The following ZNF462 variants were observed in gnomAD, a reference collection of about 807,000 sequenced individuals.
ZNF462 encodes zinc finger protein 462.
In ZNF462, 10 loss-of-function variants were observed where a neutral mutation model predicts 201.9. The observed-to-expected ratio is 0.05, with a 90% CI of 0.03 to 0.08. ZNF462 has a LOEUF of 0.08. Ranked by LOEUF, ZNF462 falls within the 10% of genes least tolerant of loss-of-function variation. The pLI is 1.00. For missense variants in ZNF462, 2,523 were observed against 3,168.3 expected, an observed-to-expected ratio of 0.80 and a Z score of 4.89; for synonymous variants, 1,227 against 1,193.3, an observed-to-expected ratio of 1.03 and a Z score of -0.58.
At position 106,885,454 on chromosome 9, in the gene ZNF462, G is replaced by T. The variant is rs944902474; in HGVS notation, c.-31+22099G>T. ...CATGGCCCAAGAACCTGTGGTTCTT[G>T]GTTGTGTCCTTGCCATGCTTAGAAG... On this transcript the variant is annotated intron_variant, in intron 1 of 12. Coordinates refer to ENST00000277225, the MANE Select transcript of ZNF462 (RefSeq NM_021224.6). The surrounding 1 kb of genome is among the most constrained non-coding windows in gnomAD (Gnocchi z 4.1). Among the ~76,000 whole-genome samples the T allele has an allele frequency of 2.0e-5, 3 of 152,152 alleles. No individual in the cohort carries two copies. The highest frequency in any genetic ancestry group is 2.9e-5 in the Non-Finnish European group (2 of 68,036).
chr9:106,924,114 C>A lies in ZNF462; in HGVS notation c.221-19C>A, dbSNP rs1205124867. On this transcript the variant is annotated intron_variant, in intron 2 of 12. Transcript: ENST00000277225. The surrounding 1 kb of genome is among the most constrained non-coding windows in gnomAD (Gnocchi z 6.2). ...TAATTATCTTTTGCTTTGTCACTTT[C>A]CTTATGCTTTTTCTTTAGGTCAAAA... The A allele has an allele frequency of 6.4e-7, 1 of 1,568,062 alleles. No homozygotes were observed. The highest frequency in any genetic ancestry group is 2.2e-5 in the East Asian group (1 of 44,624).
In ZNF462 at chr9:106,938,426, A is replaced by G. The variant is rs1830723782; in HGVS notation, c.6236-490A>G. On this transcript the variant is annotated intron_variant, in intron 6 of 12. Coordinates refer to ENST00000277225, the MANE Select transcript of ZNF462 (RefSeq NM_021224.6). This position sits in a 1 kb window ranked among gnomAD's most constrained non-coding sequence, Gnocchi z 4.4. Reference sequence around the variant, plus strand: ...TGTATAGTTAGCAAGGAAGTACAGAATAGAATAGCACAACAGAGCTTGCAC... The same window carrying G: ...TGTATAGTTAGCAAGGAAGTACAGAGTAGAATAGCACAACAGAGCTTGCAC... Among the ~76,000 whole-genome samples the G allele has an allele frequency of 1.3e-5, 2 of 152,364 alleles. No homozygotes were observed. The highest frequency in any genetic ancestry group is 1.3e-4 in the Admixed American group (2 of 15,304).
chr9:106,961,584 G>A (rs1831841792), intron 7 of ZNF462, among the ~76,000 whole-genome samples: 1 of 151,692 alleles, frequency 6.6e-6, no homozygotes, highest in Non-Finnish European at 1.5e-5. Flanking sequence ...CTTGCTTTAG[G>A]CCAGCCACTG....
In ZNF462 at chr9:107,006,371, A is replaced by G. The variant is rs1317949204; in HGVS notation, c.7189+2945A>G. Among the ~76,000 whole-genome samples the G allele has an allele frequency of 6.6e-6, 1 of 152,154 alleles. No individual in the cohort carries two copies. Among genetic ancestry groups the G allele is most frequent in the South Asian group, 2.1e-4 (1 of 4,822 alleles). ...AAACAAAACAAACAAACAAACAACAACAAAAAATATAAACCCTGGAGACCA... is the reference window on the plus strand; with the variant it reads ...AAACAAAACAAACAAACAAACAACAGCAAAAAATATAAACCCTGGAGACCA... On this transcript the variant is annotated intron_variant, in intron 11 of 12. Coordinates refer to ENST00000277225, the MANE Select transcript of ZNF462 (RefSeq NM_021224.6). This position sits in a 1 kb window ranked among gnomAD's most constrained non-coding sequence, Gnocchi z 4.3.
Position 106,885,780 on chromosome 9 carries a change from C to G in ZNF462, c.-31+22425C>G, listed in dbSNP as rs1375398701. ...TTAGAACAAGGACAACTTGAAGTGG[C>G]TATCTTGCACATGGGACTGATGTTG... On this transcript the variant is annotated intron_variant, in intron 1 of 12. Coordinates refer to ENST00000277225, the MANE Select transcript of ZNF462 (RefSeq NM_021224.6). This position sits in a 1 kb window ranked among gnomAD's most constrained non-coding sequence, Gnocchi z 4.1. Among the ~76,000 whole-genome samples, 1 of 152,178 alleles carries G rather than the reference C, an allele frequency of 6.6e-6. No individual in the cohort carries two copies. Among genetic ancestry groups the G allele is most frequent in the Non-Finnish European group, 1.5e-5 (1 of 68,032 alleles).
At chr9:106,907,771 G>T (rs1023674932) in intron 1 of ZNF462, among the ~76,000 whole-genome samples, 2 of 151,766 alleles carry the variant, frequency 1.3e-5, no homozygotes, top group Non-Finnish European at 1.5e-5. Flanking sequence ...TTCTTCTTCT[G>T]TCTTTCCATT....
chr9:106,937,336 G>A (rs1222769685), intron 6 of ZNF462, among the ~76,000 whole-genome samples: 2 of 152,144 alleles, frequency 1.3e-5, no homozygotes, highest in African/African-American at 2.4e-5. Context: ...CACTTCACAT[G>A]TGAACCCATT....
At position 106,963,933 on chromosome 9, in the gene ZNF462, G is replaced by A. The variant is rs541961365; in HGVS notation, c.6428-8072G>A. 2.0e-5 allele frequency among the ~76,000 whole-genome samples: 3 copies of A among 151,948 alleles called. No homozygotes were observed. The highest frequency in any genetic ancestry group is 1.9e-4 in the East Asian group (1 of 5,150). ...CTAGGTGCCTCATGGAAGTGGCATC[G>A]TGCAGTATTTGTCCCTCTGTGACTG... On this transcript the variant is annotated intron_variant, in intron 7 of 12. Coordinates refer to ENST00000277225, the MANE Select transcript of ZNF462 (RefSeq NM_021224.6). The surrounding 1 kb of genome is among the most constrained non-coding windows in gnomAD (Gnocchi z 4.7).
At chr9:106,979,611 A>G (rs1827268127) in intron 9 of ZNF462, 1 of 151,530 alleles carries the variant, frequency 6.6e-6, no homozygotes, top group Non-Finnish European at 1.5e-5. Flanking sequence ...GGATACAGCC[A>G]TGAAGAGTCA....
rs1208890977 is a variant in ZNF462 at position 107,012,195 on chromosome 9, C to T, written c.*1165C>T. On this transcript the variant is annotated 3_prime_UTR_variant, in exon 13 of 13. Transcript: ENST00000277225. ...CTTGTGGGCCAGACGAGGAGGTCCT[C>T]CTCACCCTTTTGTTGCCTGTCAAAT... 4 of 148,506 alleles carry T rather than the reference C, an allele frequency of 2.7e-5. No homozygotes were observed. The South Asian group carries it at 6.3e-4, about 24-fold the overall frequency. The allele number at this position is 148,506 out of a possible 1,614,324, so 9.2% of individuals were successfully genotyped here.
intron 9 of ZNF462, chr9:106,979,299 G>A (rs1827244199): frequency 6.6e-6 from 1 of 152,102 alleles, no homozygotes; most frequent in African/African-American, 2.4e-5. Flanking sequence ...AGGGGTCCAA[G>A]TCATGGGTGA....
At chr9:106,956,431 T>C (rs1260447169) in intron 7 of ZNF462, among the ~76,000 whole-genome samples, 1 of 152,202 alleles carries the variant, frequency 6.6e-6, no homozygotes, top group African/African-American at 2.4e-5. Flanking sequence ...CAGGCTTTGT[T>C]GTTCCATTTA....
rs771544345 is a variant in ZNF462 at position 106,927,579 on chromosome 9, G to A, written c.3667G>A (p.Ala1223Thr). Reference protein sequence around the residue: ...QKKHRDFKANADVIRQHTATI... With the variant: ...QKKHRDFKANTDVIRQHTATI... Reference sequence around the variant, plus strand: ...GAAGCACCGAGACTTCAAGGCCAATGCAGATGTGATCCGGCAGCATACGGC... The same window carrying A: ...GAAGCACCGAGACTTCAAGGCCAATACAGATGTGATCCGGCAGCATACGGC... The change falls in exon 3 of 13, where the codon GCA (alanine) becomes ACA (threonine). Residue 1223 changes from alanine to threonine, a missense_variant. By Grantham distance (58) the Ala-to-Thr change is moderately conservative. Coordinates refer to ENST00000277225, the MANE Select transcript of ZNF462 (RefSeq NM_021224.6). 5 of 1,613,798 alleles carry A rather than the reference G, an allele frequency of 3.1e-6. No individual in the cohort carries two copies. Among genetic ancestry groups the A allele is most frequent in the East Asian group, 2.2e-5 (1 of 44,852 alleles).
chr9:106,959,542 G>A (rs1041448402), intron 7 of ZNF462, among the ~76,000 whole-genome samples: 1 of 152,100 alleles, frequency 6.6e-6, no homozygotes, highest in Admixed American at 6.6e-5. Flanking sequence ...ACCCTATGAA[G>A]TTGCCAATGT....
At chr9:106,864,039 G>GCTCTCGCTCTCT in intron 1 of ZNF462, among the ~76,000 whole-genome samples, 1 of 22,760 alleles carries the variant, frequency 4.4e-5, no homozygotes, top group African/African-American at 1.2e-4. Context: ...CAGGTATTTG[G>GCTCTCGCTCTCT]CTCTCTCTCT....
chr9:106,965,332 A>G (rs1275311300), intron 7 of ZNF462, among the ~76,000 whole-genome samples: 2 of 149,910 alleles, frequency 1.3e-5, no homozygotes, highest in African/African-American at 5.1e-5. Flanking sequence ...GCAATAGGGC[A>G]CACTCATATC....
chr9:106,956,387 A>G (rs1467790465), intron 7 of ZNF462, among the ~76,000 whole-genome samples: 2 of 152,188 alleles, frequency 1.3e-5, no homozygotes, highest in Admixed American at 6.6e-5. Flanking sequence ...TCAAATATTT[A>G]GTAAACCATG....
chr9:106,943,055 C>CGTGTGTGTGTGTGT (rs771634911), intron 7 of ZNF462, among the ~76,000 whole-genome samples: 69 of 81,174 alleles, frequency 8.5e-4, no homozygotes, highest in African/African-American at 3.5e-3. Context: ...TTGTTTTGCG[C>CGTGTGTGTGTGTGT]GCGCGTGTGT....
chr9:106,923,702 A>C lies in ZNF462; in HGVS notation c.220+99A>C, dbSNP rs1396374738. Reference sequence around the variant, plus strand: ...TTCTTAATATACGTGGCTTTTGCAGAGTTTCTTGTGCTTTGCTAGCCATTT... The same window carrying C: ...TTCTTAATATACGTGGCTTTTGCAGCGTTTCTTGTGCTTTGCTAGCCATTT... On this transcript the variant is annotated intron_variant, in intron 2 of 12. Coordinates refer to ENST00000277225, the MANE Select transcript of ZNF462 (RefSeq NM_021224.6). This position sits in a 1 kb window ranked among gnomAD's most constrained non-coding sequence, Gnocchi z 5.6. The C allele has an allele frequency of 1.6e-6, 2 of 1,249,810 alleles. No individual in the cohort carries two copies. The highest frequency in any genetic ancestry group is 4.0e-5 in the Admixed American group (2 of 50,532). 77.4% of individuals were successfully genotyped at this position (1,249,810 alleles called of 1,614,324 possible). A position where few individuals can be genotyped will look rare whatever the true frequency, so the allele number is the denominator to read the frequency against.
Sources: gnomAD v4.1 joint callset for allele counts (sites outside exome capture counted in the v4.1 genomes callset) on GRCh38, gnomAD v4.1.1 for gene constraint, Gnocchi (gnomAD v3.1) non-coding constraint, MANE v1.5 for transcripts, NCBI Gene and HGNC (gene_info 2026-07-23, HGNC 2026-07-21) for gene names.